RAB11FIP4: variants seen among roughly 807,000 people sequenced by gnomAD.
The protein encoded by RAB11FIP4 is RAB11 family interacting protein 4.
Under a neutral mutation model 74.3 loss-of-function variants are expected in RAB11FIP4, and 23 were observed. That is an observed-to-expected ratio of 0.31 (90% CI 0.22 to 0.44). RAB11FIP4 has a LOEUF of 0.44. Ranked by LOEUF, RAB11FIP4 falls within the 20% of genes least tolerant of loss-of-function variation. The pLI, the probability that RAB11FIP4 is intolerant of heterozygous loss-of-function variation, is 1.00. For missense variants in RAB11FIP4, 630 were observed against 863.9 expected (o/e 0.73, Z 3.39); for synonymous variants, 360 against 359.9 (o/e 1.00, Z 0.00).
At chr17:31,442,321 C>A (rs374152650) in intron 3 of RAB11FIP4, among the ~76,000 whole-genome samples, 16 of 152,088 alleles carry the variant, frequency 1.1e-4, no homozygotes, top group African/African-American at 3.4e-4. Context: ...ATATTTTTAA[C>A]GTAATTTGGG....
chr17:31,424,104 A>G (rs2071224693), intron 1 of RAB11FIP4, among the ~76,000 whole-genome samples: 1 of 152,128 alleles, frequency 6.6e-6, no homozygotes, highest in Non-Finnish European at 1.5e-5. Context: ...CACCTGCTGC[A>G]CAGTTCTGGG....
At chr17:31,464,778 T>TTTTTTG (rs2071668600) in intron 3 of RAB11FIP4, among the ~76,000 whole-genome samples, 4 of 125,182 alleles carry the variant, frequency 3.2e-5, no homozygotes, top group Admixed American at 8.7e-5. Context: ...TTTTTTTTTT[T>TTTTTTG]GAGACAAGGT....
At chr17:31,517,186 C>CGGTGCGGGGGGGGGGGCGGTGGGG (rs2072568011) in intron 3 of RAB11FIP4, among the ~76,000 whole-genome samples, 1 of 6,756 alleles carries the variant, frequency 1.5e-4, no homozygotes, top group East Asian at 2.8e-3. Flanking sequence ...GGCGAGGAGG[C>CGGTGCGGGGGGGGGGGCGGTGGGG]GGTGCGGGGG....
intron 3 of RAB11FIP4, among the ~76,000 whole-genome samples, chr17:31,440,162 T>C (rs1440940941): frequency 2.6e-5 from 4 of 152,226 alleles, no homozygotes; most frequent in Non-Finnish European, 5.9e-5. Context: ...AAGAAGTATT[T>C]ATGCTTAGCT....
In RAB11FIP4 at chr17:31,523,876, C is replaced by T. The variant is rs772245030; in HGVS notation, c.1030-17C>T. 1 of 1,591,696 alleles carries T rather than the reference C, an allele frequency of 6.3e-7. No individual in the cohort carries two copies. The highest frequency in any genetic ancestry group is 8.6e-7 in the Non-Finnish European group (1 of 1,166,092). ...CCTCAGAGGTCTTCTCCACCCCACC[C>T]CGGCCCCCTGCTGCAGGTAAGCTTC... On this transcript the variant is annotated splice_polypyrimidine_tract_variant and intron_variant, in intron 8 of 14. Transcript: ENST00000621161.
intron 3 of RAB11FIP4, among the ~76,000 whole-genome samples, chr17:31,492,564 C>A (rs2072030842): frequency 6.6e-6 from 1 of 152,174 alleles, no homozygotes; most frequent in South Asian, 2.1e-4. Flanking sequence ...CTGGAGCCCA[C>A]ACTGGGTGGC....
In RAB11FIP4 at chr17:31,528,341, A is replaced by G. The variant is rs569635996; in HGVS notation, c.1357-65A>G. Reference sequence around the variant, plus strand: ...AGATGGCTGACCAGACCCCAGGGACACCCCTGGACATAGTGAGCCCCTCTC... The same window carrying G: ...AGATGGCTGACCAGACCCCAGGGACGCCCCTGGACATAGTGAGCCCCTCTC... On this transcript the variant is annotated intron_variant, in intron 11 of 14. Coordinates refer to ENST00000621161, the MANE Select transcript of RAB11FIP4 (RefSeq NM_032932.6). The G allele has an allele frequency of 6.5e-6, 10 of 1,531,262 alleles. No homozygotes were observed. The African/African-American group carries it at 1.2e-4, about 19-fold the overall frequency. 94.9% of individuals were successfully genotyped at this position (1,531,262 alleles called of 1,614,324 possible). A position where few individuals can be genotyped will look rare whatever the true frequency, so the allele number is the denominator to read the frequency against.
intron 3 of RAB11FIP4, among the ~76,000 whole-genome samples, chr17:31,504,512 C>T (rs558703290): frequency 6.6e-6 from 1 of 152,298 alleles, no homozygotes; most frequent in South Asian, 2.1e-4. Flanking sequence ...ATGATAAGCG[C>T]TCGCCTCGGT....
intron 3 of RAB11FIP4, among the ~76,000 whole-genome samples, chr17:31,484,059 G>A (rs1180265502): frequency 6.8e-6 from 1 of 146,430 alleles, no homozygotes; most frequent in East Asian, 2.0e-4. Flanking sequence ...AGGCAACAGA[G>A]CAAGATCTTA....
intron 3 of RAB11FIP4, among the ~76,000 whole-genome samples, chr17:31,504,322 G>A (rs2072277387): frequency 6.6e-6 from 1 of 150,940 alleles, no homozygotes; most frequent in Non-Finnish European, 1.5e-5. Flanking sequence ...TAGTAGAGAT[G>A]GGGTTTCACT....
intron 3 of RAB11FIP4, among the ~76,000 whole-genome samples, chr17:31,495,311 G>GCTAGCCTGGC (rs1463054598): frequency 6.6e-6 from 1 of 151,870 alleles, no homozygotes; most frequent in African/African-American, 2.4e-5. Context: ...GGCGAAGCTG[G>GCTAGCCTGGC]CTAGCCTGGC....
At chr17:31,467,745 C>T (rs1457032136) in intron 3 of RAB11FIP4, among the ~76,000 whole-genome samples, 2 of 152,202 alleles carry the variant, frequency 1.3e-5, no homozygotes. Context: ...ACCCACCGCT[C>T]TCCATCTCAG....
intron 1 of RAB11FIP4, among the ~76,000 whole-genome samples, chr17:31,401,377 C>T (rs2070984446): frequency 6.6e-6 from 1 of 152,232 alleles, no homozygotes; most frequent in Non-Finnish European, 1.5e-5. Context: ...AACCTGTCAC[C>T]CCTGAGGTCA....
chr17:31,512,892 G>A lies in RAB11FIP4; in HGVS notation c.337-4759G>A, dbSNP rs2072478343. 6.6e-6 allele frequency among the ~76,000 whole-genome samples: 1 copy of A among 152,104 alleles called. No individual in the cohort carries two copies. The highest frequency in any genetic ancestry group is 2.4e-5 in the African/African-American group (1 of 41,410). On this transcript the variant is annotated intron_variant, in intron 3 of 14. Coordinates refer to ENST00000621161, the MANE Select transcript of RAB11FIP4 (RefSeq NM_032932.6). The surrounding 1 kb of genome is among the most constrained non-coding windows in gnomAD (Gnocchi z 4.1). ...TGGGCAGGAAACCGGGGCTCTGAGA[G>A]GCAGTCTTGGAAGCTGCCCTGGGCA...
chr17:31,475,707 C>T (rs1041738200), intron 3 of RAB11FIP4, among the ~76,000 whole-genome samples: 2 of 152,130 alleles, frequency 1.3e-5, no homozygotes, highest in African/African-American at 4.8e-5. Context: ...TCAAACAAGG[C>T]GACAAGCGGC....
At chr17:31,431,546 A>G in intron 1 of RAB11FIP4, 1 of 415,960 alleles carries the variant, frequency 2.4e-6, no homozygotes, top group South Asian at 3.3e-5. Context: ...TCCCTGGGGG[A>G]AGGAGGCTCG....
At chr17:31,519,133 G>T (rs1781785504) in intron 4 of RAB11FIP4, among the ~76,000 whole-genome samples, 1 of 147,088 alleles carries the variant, frequency 6.8e-6, no homozygotes, top group Admixed American at 7.1e-5. Flanking sequence ...TCCTGCCTCA[G>T]CCTCCCAAGT....
intron 3 of RAB11FIP4, among the ~76,000 whole-genome samples, chr17:31,471,241 T>C (rs1397563471): frequency 6.6e-6 from 1 of 151,272 alleles, no homozygotes; most frequent in Admixed American, 6.6e-5. Flanking sequence ...TTTTTTTTTT[T>C]TTTTGTAGAG....
At chr17:31,464,749 C>CTTTTTTTTTTT (rs58083480) in intron 3 of RAB11FIP4, among the ~76,000 whole-genome samples, 1 of 39,642 alleles carries the variant, frequency 2.5e-5, no homozygotes, top group Non-Finnish European at 4.2e-5. Flanking sequence ...CTGTGCCCGG[C>CTTTTTTTTTTT]TTTTTTTTTT....
Sources: allele counts gnomAD v4.1 joint callset (sites outside exome capture counted in the v4.1 genomes callset), GRCh38; gene constraint gnomAD v4.1.1; non-coding constraint Gnocchi (gnomAD v3.1); transcripts MANE v1.5; gene names NCBI Gene and HGNC (gene_info 2026-07-23, HGNC 2026-07-21).